Variants in RBFOX3 observed in about 807,000 individuals in gnomAD.
RBFOX3 encodes the protein RNA binding fox-1 homolog 3.
Under a neutral mutation model 48.7 loss-of-function variants are expected in RBFOX3, and 17 were observed. The ratio of observed to expected loss-of-function variants is 0.35; its 90% CI spans 0.24 to 0.52. The LOEUF is 0.52. Among genes scored for constraint, RBFOX3 ranks in the 20% least tolerant of loss-of-function variants. RBFOX3 has a pLI of 0.94. For synonymous variants in RBFOX3, 212 were observed against 209.5 expected, an observed-to-expected ratio of 1.01 and a Z score of -0.10; for missense variants, 382 against 497.5, an observed-to-expected ratio of 0.77 and a Z score of 2.21.
In RBFOX3 at chr17:79,104,237, T is replaced by TCGGC. The variant is rs1427183525; in HGVS notation, c.361-115_361-112dup. 3 of 992,998 alleles carry TCGGC rather than the reference T, an allele frequency of 3.0e-6. No homozygotes were observed. The African/African-American group carries it at 4.9e-5, about 16-fold the overall frequency. The allele number at this position is 992,998 out of a possible 1,614,324, so 61.5% of individuals were successfully genotyped here. A position where few individuals can be genotyped will look rare whatever the true frequency, so the allele number is the denominator to read the frequency against. On this transcript the variant is annotated intron_variant, in intron 6 of 14. Transcript: ENST00000693108. ...AGACGCTCATGCCTGTGCTCTGCCC[T>TCGGC]CGGCCCCCAGCTTGGGAAAGGAGAC...
intron 2 of RBFOX3, among the ~76,000 whole-genome samples, chr17:79,424,930 C>T (rs1477199797): frequency 1.3e-5 from 2 of 152,164 alleles, no homozygotes; most frequent in Non-Finnish European, 2.9e-5. Context: ...GACACATTTC[C>T]CTGTGGCCTC....
Position 79,131,801 on chromosome 17 carries a change from TG to T in RBFOX3, c.-33-16054del, listed in dbSNP as rs2038984334. Among the ~76,000 whole-genome samples the T allele has an allele frequency of 3.9e-5, 6 of 152,230 alleles. No individual in the cohort carries two copies. The South Asian group carries it at 8.3e-4, about 21-fold the overall frequency. Reference sequence around the variant, plus strand: ...CCTCCCTGCTCTGATGGCTGAGAGATGGCCCCGAATCCTGCCCGGCCACCTG... The same window carrying T: ...CCTCCCTGCTCTGATGGCTGAGAGATGCCCCGAATCCTGCCCGGCCACCTG... On this transcript the variant is annotated intron_variant, in intron 4 of 14. Transcript: ENST00000693108.
intron 1 of RBFOX3, among the ~76,000 whole-genome samples, chr17:79,539,750 T>C (rs2089395642): frequency 6.6e-6 from 1 of 152,232 alleles, no homozygotes; most frequent in African/African-American, 2.4e-5. Flanking sequence ...CTCATGCAAC[T>C]GAATTTTTAA....
chr17:79,332,296 C>CT (rs146315734), intron 2 of RBFOX3, among the ~76,000 whole-genome samples: 2,354 of 152,188 alleles, frequency 0.015, 58 homozygotes, highest in African/African-American at 0.054. Context: ...TAGCTCTTTT[C>CT]TTTTTTTATG....
chr17:79,090,957 C>T (rs2073767549), intron 14 of RBFOX3, 72 bp from the exon 15 acceptor site: 4 of 1,483,014 alleles, frequency 2.7e-6, no homozygotes, highest in African/African-American at 1.4e-5. Context: ...GGCGACAGGA[C>T]CACGTGGCAC....
At chr17:79,560,432 C>T (rs1325488864) in intron 1 of RBFOX3, among the ~76,000 whole-genome samples, 1 of 152,200 alleles carries the variant, frequency 6.6e-6, no homozygotes, top group Non-Finnish European at 1.5e-5. Flanking sequence ...AACCACTTTA[C>T]TTCTCCTTGA....
chr17:79,106,860 C>T lies in RBFOX3; in HGVS notation c.223-72G>A, dbSNP rs1263044626. 20 of 1,443,046 alleles carry T rather than the reference C, an allele frequency of 1.4e-5. 1 individual carries two copies. Among genetic ancestry groups the T allele is most frequent in the Admixed American group, 6.5e-5 (2 of 30,980 alleles). The allele number at this position is 1,443,046 out of a possible 1,614,324, so 89.4% of individuals were successfully genotyped here. ...TTGCCCATCCCCTCTGCTAAAGGGT[C>T]GGCAGAGTCTAAAGGCCAGATTCTC... On this transcript the variant is annotated intron_variant, in intron 5 of 14. Transcript: ENST00000693108.
At chr17:79,436,024 C>T (rs1422716273) in intron 2 of RBFOX3, among the ~76,000 whole-genome samples, 1 of 152,254 alleles carries the variant, frequency 6.6e-6, no homozygotes, top group Non-Finnish European at 1.5e-5. Context: ...TTTCACCGCC[C>T]CCATGAGACC....
chr17:79,331,576 G>A (rs72849088), intron 2 of RBFOX3, among the ~76,000 whole-genome samples: 15,294 of 152,252 alleles, frequency 0.1, 1,011 homozygotes, highest in South Asian at 0.18. Context: ...GTTATTAGAC[G>A]TTTTCACAAA....
At chr17:79,098,667 G>C (rs993224369) in intron 9 of RBFOX3, 7 of 152,284 alleles carry the variant, frequency 4.6e-5, no homozygotes, top group Non-Finnish European at 8.8e-5. Flanking sequence ...CTCTGCGGGG[G>C]ACACCAGCTG....
chr17:79,525,299 C>T (rs898202820), intron 1 of RBFOX3, among the ~76,000 whole-genome samples: 11 of 152,134 alleles, frequency 7.2e-5, no homozygotes, highest in Admixed American at 2.0e-4. Context: ...GGCAAAATCA[C>T]CCCCTAGTTG....
At chr17:79,090,947 G>A in intron 14 of RBFOX3, 62 bp from the exon 15 acceptor site, 1 of 1,514,964 alleles carries the variant, frequency 6.6e-7, no homozygotes, top group East Asian at 2.5e-5. Context: ...CAGGTGTGAA[G>A]GCGACAGGAC....
intron 14 of RBFOX3, among the ~76,000 whole-genome samples, chr17:79,093,841 C>T (rs1224069518): frequency 6.7e-6 from 1 of 149,552 alleles, no homozygotes; most frequent in African/African-American, 2.4e-5. Context: ...ACACGCCACG[C>T]CGCGCACCTC....
the RBFOX3 span, among the ~76,000 whole-genome samples, chr17:79,637,725 A>AGGGAAGGGAG: frequency 0.086 from 9,968 of 116,294 alleles, 1,242 homozygotes; most frequent in African/African-American, 0.27. Context: ...GCGAAGGCGA[A>AGGGAAGGGAG]GGGAAGGGAG....
intron 4 of RBFOX3, among the ~76,000 whole-genome samples, chr17:79,145,086 T>C (rs1371832336): frequency 1.3e-5 from 2 of 152,054 alleles, no homozygotes; most frequent in African/African-American, 4.8e-5. Flanking sequence ...GGGTCCTTAG[T>C]CGCTGCCTGT....
intron 4 of RBFOX3, among the ~76,000 whole-genome samples, chr17:79,129,673 G>A (rs1476578999): frequency 6.6e-6 from 1 of 152,230 alleles, no homozygotes; most frequent in African/African-American, 2.4e-5. Flanking sequence ...AATGGGGAGA[G>A]GTAGTGGTGT....
intron 1 of RBFOX3, among the ~76,000 whole-genome samples, chr17:79,503,548 C>T (rs1355328441): frequency 1.3e-5 from 2 of 152,190 alleles, no homozygotes; most frequent in Non-Finnish European, 2.9e-5. Flanking sequence ...GTCTTTGGTA[C>T]CCCATGTGTG....
At chr17:79,446,089 C>A (rs2072231430) in intron 2 of RBFOX3, among the ~76,000 whole-genome samples, 1 of 152,192 alleles carries the variant, frequency 6.6e-6, no homozygotes, top group Non-Finnish European at 1.5e-5. Context: ...GGTTTAGAAA[C>A]CCTGCCCTGA....
At chr17:79,216,490 A>C (rs372724664) in intron 4 of RBFOX3, among the ~76,000 whole-genome samples, 1 of 152,128 alleles carries the variant, frequency 6.6e-6, no homozygotes, top group East Asian at 1.9e-4. Context: ...AGGTAGGACC[A>C]GCATGAGGCC....
Sources: allele counts gnomAD v4.1 joint callset (sites outside exome capture counted in the v4.1 genomes callset), GRCh38; gene constraint gnomAD v4.1.1; transcripts MANE v1.5; gene names NCBI Gene and HGNC (gene_info 2026-07-23, HGNC 2026-07-21).